Variants in EHD2 observed in about 807,000 individuals in gnomAD.
EHD2 encodes the protein EH domain containing 2.
In EHD2, 27 loss-of-function variants were observed where a neutral mutation model predicts 41.0. That is an observed-to-expected ratio of 0.66 (90% confidence interval 0.49 to 0.91). The LOEUF (loss-of-function observed/expected upper bound fraction) is 0.91. EHD2 is among the 40% of genes least tolerant of loss of function. The pLI is 0.00. For synonymous variants in EHD2, 342 were observed against 341.0 expected, an observed-to-expected ratio of 1.00 and a Z score of -0.03; for missense variants, 673 against 773.9, an observed-to-expected ratio of 0.87 and a Z score of 1.55.
In EHD2 at chr19:47,726,092, C is replaced by A. The variant is rs1427527500; in HGVS notation, c.783C>A (p.Pro261=). The part of the protein sequence containing the change: ...RVYIGSFWSQ[P]LLVPDNRRLF... ...ACATCGGCTCCTTCTGGTCCCAGCCCCTCCTCGTGCCCGACAACCGGCGCC... is the reference window on the plus strand; with the variant it reads ...ACATCGGCTCCTTCTGGTCCCAGCCACTCCTCGTGCCCGACAACCGGCGCC... Residue 261 remains proline, a synonymous_variant, in exon 4 of 6, where the codon CCC becomes CCA. Coordinates refer to ENST00000263277, the MANE Select transcript of EHD2 (RefSeq NM_014601.4). 5 of 1,574,524 alleles carry A rather than the reference C, an allele frequency of 3.2e-6. No individual in the cohort carries two copies. The highest frequency in any genetic ancestry group is 4.3e-6 in the Non-Finnish European group (5 of 1,161,126).
chr19:47,721,201 G>A (rs1047958263), intron 3 of EHD2, among the ~76,000 whole-genome samples: 12 of 151,796 alleles, frequency 7.9e-5, no homozygotes, highest in African/African-American at 2.7e-4. Flanking sequence ...GTGTGTATGC[G>A]AGCTCATGTG....
chr19:47,716,150 C>T (rs1973622718), intron 1 of EHD2, among the ~76,000 whole-genome samples: 1 of 148,244 alleles, frequency 6.7e-6, no homozygotes, highest in Admixed American at 6.8e-5. Context: ...TAGCTCACTG[C>T]AGCCTGCAGC....
chr19:47,718,790 T>TGG (rs1157828632), intron 3 of EHD2, among the ~76,000 whole-genome samples, 184 bp downstream of exon 3: 1 of 101,472 alleles, frequency 9.9e-6, no homozygotes, highest in Admixed American at 1.1e-4. Context: ...GAGGAGGGGC[T>TGG]GGGCCCAGAC....
chr19:47,723,856 A>C (rs1357614834), intron 3 of EHD2, among the ~76,000 whole-genome samples: 1 of 151,116 alleles, frequency 6.6e-6, no homozygotes, highest in East Asian at 1.9e-4. Flanking sequence ...TTTTTATTTT[A>C]TTTTTTTCTG....
Position 47,741,547 on chromosome 19 carries a change from CG to C in EHD2, c.*120del. 4 of 1,245,738 alleles carry C rather than the reference CG, an allele frequency of 3.2e-6. No individual in the cohort carries two copies. The highest frequency in any genetic ancestry group is 4.4e-6 in the Non-Finnish European group (4 of 914,878). 77.2% of individuals were successfully genotyped at this position (1,245,738 alleles called of 1,614,324 possible). On this transcript the variant is annotated 3_prime_UTR_variant, in exon 6 of 6. Transcript: ENST00000263277. This position sits in a 1 kb window ranked among gnomAD's most constrained non-coding sequence, Gnocchi z 4.5. ...GCCCTCCCTGCCCAGCTGTAAGGAC[CG>C]GGGGTCTCCCTCCTCACTACCGCCA... is the stretch of plus-strand genomic sequence containing the variant.
Position 47,726,149 on chromosome 19 carries a change from C to G in EHD2, c.840C>G (p.Arg280=). The G allele has an allele frequency of 6.3e-7, 1 of 1,583,386 alleles. No homozygotes were observed. The highest frequency in any genetic ancestry group is 8.6e-7 in the Non-Finnish European group (1 of 1,165,984). Residue 280 remains arginine (R), a synonymous_variant, in exon 4 of 6, where the codon CGC becomes CGG. Coordinates refer to ENST00000263277, the MANE Select transcript of EHD2 (RefSeq NM_014601.4). ...AGCTGGAGGAGCAGGACCTCTTCCG[C>G]GACATCCAGGGCCTGCCCCGGCACG... The part of the protein sequence containing the change: ...LFELEEQDLF[R]DIQGLPRHAA...
At chr19:47,729,539 C>T (rs983402308) in intron 4 of EHD2, 5 of 152,690 alleles carry the variant, frequency 3.3e-5, no homozygotes, top group Non-Finnish European at 7.3e-5. Flanking sequence ...GGTTTCAGAG[C>T]GATTTTGGAT....
intron 4 of EHD2, among the ~76,000 whole-genome samples, chr19:47,728,521 C>G (rs1973775173): frequency 1.3e-5 from 2 of 151,302 alleles, no homozygotes; most frequent in Non-Finnish European, 2.9e-5. Context: ...CTCTCTTTCT[C>G]TGTTTCTCTT....
chr19:47,727,142 T>C (rs1973761400), intron 4 of EHD2, among the ~76,000 whole-genome samples: 1 of 152,214 alleles, frequency 6.6e-6, no homozygotes, highest in African/African-American at 2.4e-5. Context: ...TTTGCTCTTA[T>C]TGCCCAGGCT....
At chr19:47,728,603 C>T (rs1973777170) in intron 4 of EHD2, among the ~76,000 whole-genome samples, 1 of 141,062 alleles carries the variant, frequency 7.1e-6, no homozygotes, top group Non-Finnish European at 1.5e-5. Context: ...GGGTCTCCCT[C>T]TGTTGCCCAG....
At chr19:47,728,567 C>CTT (rs1973776145) in intron 4 of EHD2, among the ~76,000 whole-genome samples, 1 of 136,528 alleles carries the variant, frequency 7.3e-6, no homozygotes, top group African/African-American at 2.8e-5. Flanking sequence ...CTTTTTCTTT[C>CTT]TTTCTTTTTT....
intron 4 of EHD2, 39 bp downstream of exon 4, chr19:47,726,263 A>T: frequency 6.9e-7 from 1 of 1,453,442 alleles, no homozygotes; most frequent in Non-Finnish European, 9.1e-7. Context: ...TTCTTGGAGG[A>T]GGTTTCCTCG....
intron 4 of EHD2, chr19:47,731,293 T>TATATAC (rs1270043346): frequency 6.3e-4 from 57 of 89,910 alleles, no homozygotes; most frequent in Non-Finnish European, 1.3e-3. Flanking sequence ...TATATATATA[T>TATATAC]ATATATATAC....
intron 1 of EHD2, among the ~76,000 whole-genome samples, chr19:47,715,664 G>A (rs970900587): frequency 1.3e-5 from 2 of 152,158 alleles, no homozygotes; most frequent in Non-Finnish European, 2.9e-5. Flanking sequence ...TTTCTTCCAG[G>A]CAGCTTCTGC....
chr19:47,741,264 C>A lies in EHD2; in HGVS notation c.1464C>A (p.Arg488=). The change falls in exon 6 of 6, where the codon CGC becomes CGA. Residue 488 remains arginine, a synonymous_variant. Transcript: ENST00000263277. This position sits in a 1 kb window ranked among gnomAD's most constrained non-coding sequence, Gnocchi z 4.5. The part of the protein sequence containing the change: ...GTKLPNSVLG[R]IWKLSDVDRD... ...AGCTCCCCAACTCAGTGCTGGGGCG[C>A]ATCTGGAAGCTCAGCGATGTGGACC... 1 of 1,614,156 alleles carries A rather than the reference C, an allele frequency of 6.2e-7. No homozygotes were observed. Among genetic ancestry groups the A allele is most frequent in the South Asian group, 1.1e-5 (1 of 91,090 alleles).
intron 4 of EHD2, among the ~76,000 whole-genome samples, chr19:47,734,666 AC>A (rs1966903058): frequency 6.6e-6 from 1 of 150,710 alleles, no homozygotes; most frequent in Admixed American, 6.6e-5. Flanking sequence ...GATTGCTTGA[AC>A]CCAGGAAGTG....
chr19:47,738,780 G>A (rs533752419), intron 5 of EHD2, among the ~76,000 whole-genome samples: 1 of 152,308 alleles, frequency 6.6e-6, no homozygotes, highest in South Asian at 2.1e-4. Context: ...CTTCAGAGTC[G>A]TGATCAGCTG....
At chr19:47,721,247 C>T (rs561318534) in intron 3 of EHD2, among the ~76,000 whole-genome samples, 4 of 151,798 alleles carry the variant, frequency 2.6e-5, no homozygotes, top group Admixed American at 1.3e-4. Flanking sequence ...TGTGAACACA[C>T]GCATGTGTGA....
chr19:47,731,233 C>A (rs540232386), intron 4 of EHD2: 11 of 132,532 alleles, frequency 8.3e-5, no homozygotes, highest in African/African-American at 3.1e-4. Context: ...TCAGGGACCA[C>A]CAACGTTCTC....
Sources: gnomAD v4.1 joint callset for allele counts (sites outside exome capture counted in the v4.1 genomes callset) on GRCh38, gnomAD v4.1.1 for gene constraint, Gnocchi (gnomAD v3.1) non-coding constraint, MANE v1.5 for transcripts, NCBI Gene and HGNC (gene_info 2026-07-23, HGNC 2026-07-21) for gene names.